The following CMC2 variants were observed in gnomAD, a reference collection of about 807,000 sequenced individuals.
CMC2 encodes C-X9-C motif containing 2, also known as COX assembly mitochondrial protein 2 homolog.
CMC2 carries 5 observed loss-of-function variants against 7.5 expected under a neutral mutation model. That is an observed-to-expected ratio of 0.66 (90% confidence interval 0.35 to 1.40). CMC2 has a LOEUF of 1.40. Ranked by LOEUF, CMC2 falls within the 40% of genes most tolerant of loss-of-function variation. The probability of loss-of-function intolerance (pLI) is 0.04; values close to 1 mark genes in which losing one functional copy is unlikely to be tolerated. For missense variants in CMC2, 115 were observed against 92.3 expected, an observed-to-expected ratio of 1.25 and a Z score of -1.01; for synonymous variants, 37 against 31.4, an observed-to-expected ratio of 1.18 and a Z score of -0.60.
intron 1 of CMC2, among the ~76,000 whole-genome samples, chr16:81,002,047 C>T (rs564335150): frequency 3.3e-5 from 5 of 152,170 alleles, no homozygotes; most frequent in Admixed American, 1.3e-4. Flanking sequence ...TTAAGTTATC[C>T]AATATCGTAC....
At chr16:80,995,678 T>C (rs1056466044) in intron 2 of CMC2, among the ~76,000 whole-genome samples, 38 of 152,014 alleles carry the variant, frequency 2.5e-4, no homozygotes, top group African/African-American at 8.9e-4. Flanking sequence ...GAATATACGA[T>C]GTAGTGTAAA....
intron 2 of CMC2, among the ~76,000 whole-genome samples, chr16:80,995,342 T>A (rs1968324647): frequency 6.6e-6 from 1 of 151,918 alleles, no homozygotes; most frequent in South Asian, 2.1e-4. Flanking sequence ...CAAAAACATA[T>A]CATGGTGCAA....
intron 1 of CMC2, chr16:80,998,203 G>A (rs1420842356): frequency 6.6e-6 from 1 of 151,342 alleles, no homozygotes; most frequent in Non-Finnish European, 1.5e-5. Flanking sequence ...CAAAGTGTTG[G>A]GACAGGCATG....
At chr16:80,987,346 G>A (rs898009539) in intron 2 of CMC2, among the ~76,000 whole-genome samples, 3 of 152,138 alleles carry the variant, frequency 2.0e-5, no homozygotes, top group Non-Finnish European at 2.9e-5. Context: ...GAAAAACCCA[G>A]TACTTAGTGA....
At chr16:80,990,800 C>A (rs777949994) in intron 2 of CMC2, among the ~76,000 whole-genome samples, 1 of 152,066 alleles carries the variant, frequency 6.6e-6, no homozygotes, top group Non-Finnish European at 1.5e-5. Flanking sequence ...CTTACTGCAG[C>A]CTTGACCTCC....
Position 80,975,015 on chromosome 16 carries a change from G to C in CMC2, c.*1078C>G, listed in dbSNP as rs754859133. On this transcript the variant is annotated 3_prime_UTR_variant, in exon 4 of 4. Transcript: ENST00000219400. ...ACTCCACTAGAAGGAGCTCACAGCT[G>C]AGTCTGTTCCCTGACACCTGACAAG... The C allele has an allele frequency of 6.6e-6, 1 of 152,280 alleles. No individual in the cohort carries two copies. Among genetic ancestry groups the C allele is most frequent in the Non-Finnish European group, 1.5e-5 (1 of 68,058 alleles). The allele number at this position is 152,280 out of a possible 1,614,324, so 9.4% of individuals were successfully genotyped here.
chr16:80,977,780 G>A (rs993477727), intron 3 of CMC2, among the ~76,000 whole-genome samples: 5 of 152,120 alleles, frequency 3.3e-5, no homozygotes, highest in African/African-American at 9.7e-5. Flanking sequence ...CTTGTCAAAA[G>A]GCTACTTCAG....
chr16:80,978,941 C>T (rs767716749), intron 3 of CMC2, among the ~76,000 whole-genome samples: 1 of 151,932 alleles, frequency 6.6e-6, no homozygotes, highest in Non-Finnish European at 1.5e-5. Flanking sequence ...ATTAGCTGGG[C>T]GTGGTGGTGG....
chr16:80,992,798 C>A (rs1233462756), intron 2 of CMC2, among the ~76,000 whole-genome samples: 2 of 149,302 alleles, frequency 1.3e-5, no homozygotes, highest in Non-Finnish European at 2.9e-5. Flanking sequence ...GGTAAGTGAT[C>A]CTACTACCTC....
rs972896620 is a variant in CMC2 at position 80,971,323 on chromosome 16, CA to C, written c.*4769del. On this transcript the variant is annotated 3_prime_UTR_variant, in exon 4 of 4. Coordinates refer to ENST00000219400, the MANE Select transcript of CMC2 (RefSeq NM_020188.5). The stretch of plus-strand genomic sequence containing the variant: ...GAACGTTCATTGAAGTTTACAATAG[CA>C]AAGACTGGATATCTAAGTGACCATC... 45 of 151,944 alleles carry C rather than the reference CA, an allele frequency of 3.0e-4. No homozygotes were observed. The highest frequency in any genetic ancestry group is 1.1e-3 in the African/African-American group (45 of 41,368). The allele number at this position is 151,944 out of a possible 1,614,324, so 9.4% of individuals were successfully genotyped here.
At chr16:81,005,450 C>T (rs1378563432) in intron 1 of CMC2, among the ~76,000 whole-genome samples, 3 of 148,320 alleles carry the variant, frequency 2.0e-5, no homozygotes, top group African/African-American at 7.3e-5. Flanking sequence ...AAATAAATAA[C>T]ATAAAACATT....
In CMC2 at chr16:81,006,883, C is replaced by G; in HGVS notation, c.-185G>C. On this transcript the variant is annotated 5_prime_UTR_variant, in exon 1 of 4. Coordinates refer to ENST00000219400, the MANE Select transcript of CMC2 (RefSeq NM_020188.5). Reference sequence around the variant, plus strand: ...CTCCACCGCTCCACCGTGCTCCCGGCTCCTCGCCCCCGCCGCCCGCGGGCC... The same window carrying G: ...CTCCACCGCTCCACCGTGCTCCCGGGTCCTCGCCCCCGCCGCCCGCGGGCC... The G allele has an allele frequency of 1.0e-6, 1 of 985,658 alleles. No individual in the cohort carries two copies. Among genetic ancestry groups the G allele is most frequent in the Non-Finnish European group, 1.2e-6 (1 of 830,052 alleles). The allele number at this position is 985,658 out of a possible 1,614,324, so 61.1% of individuals were successfully genotyped here. A position where few individuals can be genotyped will look rare whatever the true frequency, so the allele number is the denominator to read the frequency against.
rs889885109 is a variant in CMC2 at position 80,974,160 on chromosome 16, C to T, written c.*1933G>A. On this transcript the variant is annotated 3_prime_UTR_variant, in exon 4 of 4. Coordinates refer to ENST00000219400, the MANE Select transcript of CMC2 (RefSeq NM_020188.5). The stretch of plus-strand genomic sequence containing the variant: ...AATCAAATGCCTGAGACATCCTAGA[C>T]ACTTCCTTAAACCCTACACCTAGTC... 1.3e-5 allele frequency: 2 copies of T among 152,344 alleles called. No homozygotes were observed. The highest frequency in any genetic ancestry group is 2.9e-5 in the Non-Finnish European group (2 of 68,110). 9.4% of individuals were successfully genotyped at this position (152,344 alleles called of 1,614,324 possible).
intron 3 of CMC2, among the ~76,000 whole-genome samples, chr16:80,979,610 T>G (rs1281072959): frequency 6.6e-6 from 1 of 151,460 alleles, no homozygotes; most frequent in African/African-American, 2.4e-5. Flanking sequence ...TATTTATTTT[T>G]TATTTTATTT....
chr16:80,988,188 A>C (rs1302733102), intron 2 of CMC2, among the ~76,000 whole-genome samples: 1 of 152,106 alleles, frequency 6.6e-6, no homozygotes, highest in Non-Finnish European at 1.5e-5. Context: ...CCTCCCGATA[A>C]ACTTTTAATT....
rs1047896683 is a variant in CMC2 at position 80,969,001 on chromosome 16, AG to A, written c.*7091del. 1 of 152,230 alleles carries A rather than the reference AG, an allele frequency of 6.6e-6. No homozygotes were observed. The highest frequency in any genetic ancestry group is 2.4e-5 in the African/African-American group (1 of 41,462). The allele number at this position is 152,230 out of a possible 1,614,324, so 9.4% of individuals were successfully genotyped here. On this transcript the variant is annotated 3_prime_UTR_variant, in exon 4 of 4. Coordinates refer to ENST00000219400, the MANE Select transcript of CMC2 (RefSeq NM_020188.5). ...TAGAAAACATAACACTTGCCAGCAT[AG>A]GGAGGTAAGAGTAAGGCCAGTGTGA...
rs981853405 is a variant in CMC2 at position 80,969,203 on chromosome 16, A to C, written c.*6890T>G. The C allele has an allele frequency of 6.6e-6, 1 of 152,266 alleles. No individual in the cohort carries two copies. Among genetic ancestry groups the C allele is most frequent in the South Asian group, 2.1e-4 (1 of 4,828 alleles). The allele number at this position is 152,266 out of a possible 1,614,324, so 9.4% of individuals were successfully genotyped here. ...ACAGTATTTACAACAAAATTAGGTT[A>C]AAATGTAACCCTCATATCCCAAAAT... On this transcript the variant is annotated 3_prime_UTR_variant, in exon 4 of 4. Transcript: ENST00000219400.
chr16:80,985,631 G>C (rs932284872), intron 2 of CMC2, among the ~76,000 whole-genome samples: 3 of 151,946 alleles, frequency 2.0e-5, no homozygotes. Context: ...AATGTTAAAA[G>C]AGTGCAAAAG....
Position 80,970,000 on chromosome 16 carries a change from G to C in CMC2, c.*6093C>G, listed in dbSNP as rs1004952935. The C allele has an allele frequency of 2.0e-5, 3 of 152,168 alleles. No homozygotes were observed. 9.4% of individuals were successfully genotyped at this position (152,168 alleles called of 1,614,324 possible). The stretch of plus-strand genomic sequence containing the variant: ...AATGACTAGGGAGATATTAACACAA[G>C]ACTAGCGGTGAGCATTAAGTATGTC... On this transcript the variant is annotated 3_prime_UTR_variant, in exon 4 of 4. Transcript: ENST00000219400.
Sources: gnomAD v4.1 joint callset for allele counts (sites outside exome capture counted in the v4.1 genomes callset) on GRCh38, gnomAD v4.1.1 for gene constraint, MANE v1.5 for transcripts, NCBI Gene and HGNC (gene_info 2026-07-23, HGNC 2026-07-21) for gene names.